Variants in HS3ST4 observed in about 807,000 individuals in gnomAD.
The protein encoded by HS3ST4 is heparan sulfate glucosamine 3-O-sulfotransferase 4.
A neutral mutation model predicts 29.2 loss-of-function variants in HS3ST4; 17 were observed. The ratio of observed to expected loss-of-function variants is 0.58; its 90% CI spans 0.40 to 0.87. The LOEUF (loss-of-function observed/expected upper bound fraction) is 0.87. Among genes scored for constraint, HS3ST4 ranks in the 40% least tolerant of loss-of-function variants. The pLI, the probability that HS3ST4 is intolerant of heterozygous loss-of-function variation, is 0.00. For missense variants in HS3ST4, 627 were observed against 634.5 expected, an observed-to-expected ratio of 0.99 and a Z score of 0.13; for synonymous variants, 314 against 285.7, an observed-to-expected ratio of 1.10 and a Z score of -1.00.
intron 1 of HS3ST4, among the ~76,000 whole-genome samples, chr16:25,935,959 C>A (rs767932204): frequency 2.0e-5 from 3 of 151,986 alleles, no homozygotes. Context: ...GGGAAGAGGT[C>A]TTGCCATGTT....
chr16:26,130,894 C>G (rs1026153512), intron 1 of HS3ST4, among the ~76,000 whole-genome samples: 1 of 152,186 alleles, frequency 6.6e-6, no homozygotes, highest in Non-Finnish European at 1.5e-5. Flanking sequence ...CATGATTACT[C>G]AATCCCTCCA....
chr16:25,958,956 CATA>C (rs1968765705), intron 1 of HS3ST4, among the ~76,000 whole-genome samples: 1 of 152,184 alleles, frequency 6.6e-6, no homozygotes, highest in Admixed American at 6.5e-5. Flanking sequence ...GTATCGTAAC[CATA>C]ATAAGTTCAT....
At chr16:25,934,771 T>A (rs1295261082) in intron 1 of HS3ST4, among the ~76,000 whole-genome samples, 1 of 152,156 alleles carries the variant, frequency 6.6e-6, no homozygotes, top group Non-Finnish European at 1.5e-5. Context: ...GCCAGGTATT[T>A]GGGATTTTTT....
intron 1 of HS3ST4, among the ~76,000 whole-genome samples, chr16:25,811,019 A>G (rs7198898): frequency 0.02 from 3,035 of 152,334 alleles, 115 homozygotes; most frequent in African/African-American, 0.069. Flanking sequence ...GAGAATGACA[A>G]TGATGGCACT....
chr16:25,751,511 A>G (rs1046871974), intron 1 of HS3ST4, among the ~76,000 whole-genome samples: 1 of 152,206 alleles, frequency 6.6e-6, no homozygotes, highest in Non-Finnish European at 1.5e-5. Context: ...TAGGAATGAC[A>G]TATAAATAAT....
rs1001330849 is a variant in HS3ST4 at position 25,882,088 on chromosome 16, C to T, written c.734+188937C>T. ...AGGCAGTTACCCTCCGTCCCTCTCT[C>T]TTGTTGGTTTAAATGTGAACAGGGT... On this transcript the variant is annotated intron_variant, in intron 1 of 1. Transcript: ENST00000331351. Among the ~76,000 whole-genome samples the T allele has an allele frequency of 2.8e-4, 43 of 152,160 alleles. 2 individuals are homozygous for T.
chr16:25,966,138 C>T (rs959884837), intron 1 of HS3ST4, among the ~76,000 whole-genome samples: 1 of 152,168 alleles, frequency 6.6e-6, no homozygotes, highest in East Asian at 1.9e-4. Context: ...ATGATCATTG[C>T]TTCTACTTCA....
At chr16:25,861,179 C>A (rs1157613357) in intron 1 of HS3ST4, among the ~76,000 whole-genome samples, 2 of 152,170 alleles carry the variant, frequency 1.3e-5, no homozygotes, top group Non-Finnish European at 2.9e-5. Flanking sequence ...GAGGCAGGGG[C>A]ATCCATCTTC....
At chr16:26,092,530 C>T (rs1898869672) in intron 1 of HS3ST4, among the ~76,000 whole-genome samples, 1 of 152,186 alleles carries the variant, frequency 6.6e-6, no homozygotes, top group South Asian at 2.1e-4. Context: ...TAAGATATGA[C>T]ATGAGACTTG....
chr16:26,121,276 A>G (rs1899273654), intron 1 of HS3ST4, among the ~76,000 whole-genome samples: 1 of 152,228 alleles, frequency 6.6e-6, no homozygotes, highest in Non-Finnish European at 1.5e-5. Context: ...AGCTATAAGC[A>G]GTCAATAAGT....
chr16:25,901,892 A>G (rs1282530597), intron 1 of HS3ST4, among the ~76,000 whole-genome samples: 1 of 152,192 alleles, frequency 6.6e-6, no homozygotes, highest in Non-Finnish European at 1.5e-5. Flanking sequence ...GTTTTGGAAA[A>G]TGGAGAAAAA....
At chr16:25,922,318 C>T (rs1968361982) in intron 1 of HS3ST4, among the ~76,000 whole-genome samples, 1 of 152,172 alleles carries the variant, frequency 6.6e-6, no homozygotes, top group Admixed American at 6.5e-5. Flanking sequence ...GTACCCTTAG[C>T]AAAGAGTCCC....
At chr16:26,028,148 C>T (rs961559894) in intron 1 of HS3ST4, among the ~76,000 whole-genome samples, 2 of 151,542 alleles carry the variant, frequency 1.3e-5, no homozygotes, top group Non-Finnish European at 2.9e-5. Flanking sequence ...TAGCAGGCGC[C>T]TGTAATCTCA....
intron 1 of HS3ST4, among the ~76,000 whole-genome samples, chr16:25,734,107 A>G (rs1391830018): frequency 6.6e-6 from 1 of 152,068 alleles, no homozygotes; most frequent in African/African-American, 2.4e-5. Context: ...ACAGAGCGAG[A>G]CTCCGTCTCA....
At chr16:26,060,555 G>T (rs774548898) in intron 1 of HS3ST4, among the ~76,000 whole-genome samples, 2 of 152,070 alleles carry the variant, frequency 1.3e-5, no homozygotes, top group Non-Finnish European at 2.9e-5. Flanking sequence ...AGCAGACATT[G>T]GTCATCAATC....
At chr16:25,827,128 A>G (rs1015717476) in intron 1 of HS3ST4, among the ~76,000 whole-genome samples, 10 of 152,194 alleles carry the variant, frequency 6.6e-5, no homozygotes, top group Admixed American at 6.5e-4. Flanking sequence ...CAGGGACGAG[A>G]CACTAGGACC....
At chr16:26,030,751 A>G (rs1969523990) in intron 1 of HS3ST4, among the ~76,000 whole-genome samples, 1 of 152,188 alleles carries the variant, frequency 6.6e-6, no homozygotes, top group Non-Finnish European at 1.5e-5. Context: ...TAGAATAAAT[A>G]TGGTCTTGGG....
At chr16:26,119,929 G>C (rs1310359192) in intron 1 of HS3ST4, among the ~76,000 whole-genome samples, 1 of 152,162 alleles carries the variant, frequency 6.6e-6, no homozygotes, top group East Asian at 1.9e-4. Context: ...ATCAGAAAAG[G>C]CTGATGTGAA....
At chr16:25,936,855 A>G (rs1476644007) in intron 1 of HS3ST4, among the ~76,000 whole-genome samples, 2 of 152,246 alleles carry the variant, frequency 1.3e-5, no homozygotes, top group Admixed American at 1.3e-4. Flanking sequence ...AGCATAATAT[A>G]ATTTCACGTA....
Sources: allele counts gnomAD v4.1 joint callset (sites outside exome capture counted in the v4.1 genomes callset), GRCh38; gene constraint gnomAD v4.1.1; transcripts MANE v1.5; gene names NCBI Gene and HGNC (gene_info 2026-07-23, HGNC 2026-07-21).